Variants in LMF1 observed in about 807,000 individuals in gnomAD.
The protein encoded by LMF1 is transmembrane protein 112.
A neutral mutation model predicts 60.6 loss-of-function variants in LMF1; 68 were observed. That is an observed-to-expected ratio of 1.12 (90% CI 0.92 to 1.37). The LOEUF is 1.37. Among genes scored for constraint, LMF1 ranks in the 40% most tolerant of loss-of-function variants. The pLI, the probability that LMF1 is intolerant of heterozygous loss-of-function variation, is 0.00. For synonymous variants in LMF1, 418 were observed against 324.7 expected (o/e 1.29, Z -3.09); for missense variants, 948 against 767.2 (o/e 1.24, Z -2.78).
rs548860168 is a variant in LMF1, at chr16:943,562, A to G, written c.504-9308T>C. On this transcript the variant is annotated intron_variant, in intron 2 of 10. Coordinates refer to ENST00000262301, the MANE Select transcript of LMF1 (RefSeq NM_022773.4). ...CCAACAATGGTGAAACACCATTTCT[A>G]TTAAAAATACAAAAATTAGCTGGGT... is the stretch of plus-strand genomic sequence containing the variant. Among the ~76,000 whole-genome samples, 15 of 151,824 alleles carry G rather than the reference A, an allele frequency of 9.9e-5. No homozygotes were observed. The South Asian group carries it at 2.5e-3, about 25-fold the overall frequency.
At chr16:966,226 C>T (rs983645220) in intron 1 of LMF1, among the ~76,000 whole-genome samples, 2 of 152,184 alleles carry the variant, frequency 1.3e-5, no homozygotes, top group Non-Finnish European at 2.9e-5. Context: ...CACCACGGCT[C>T]GTCCACTGGG....
Position 854,331 on chromosome 16 carries a change from GC to G in LMF1, c.*200del, listed in dbSNP as rs2151672548. 1.4e-6 allele frequency: 1 copy of G among 713,738 alleles called. No individual in the cohort carries two copies. Among genetic ancestry groups the G allele is most frequent in the African/African-American group, 1.7e-5 (1 of 57,446 alleles). The allele number at this position is 713,738 out of a possible 1,614,324, so 44.2% of individuals were successfully genotyped here. A position where few individuals can be genotyped will look rare whatever the true frequency, so the allele number is the denominator to read the frequency against. ...GGACAAGGGTTGGCCTGGATGTGGGGCCCCAGGTGGGCAGGGCCTGGGAGCC... is the reference window on the plus strand; with the variant it reads ...GGACAAGGGTTGGCCTGGATGTGGGGCCCAGGTGGGCAGGGCCTGGGAGCC... On this transcript the variant is annotated 3_prime_UTR_variant, in exon 11 of 11. Transcript: ENST00000262301.
chr16:976,772 G>A (rs752990765), intron 1 of LMF1: 12 of 454,144 alleles, frequency 2.6e-5, no homozygotes, highest in South Asian at 4.7e-5. Flanking sequence ...TGATCTGGGC[G>A]TGCACCTGTC....
Position 861,731 on chromosome 16 carries a change from C to G in LMF1, c.1530-7025G>C, listed in dbSNP as rs113668663. 2.5e-3 allele frequency among the ~76,000 whole-genome samples: 380 copies of G among 152,298 alleles called. 2 individuals are homozygous for G. The highest frequency in any genetic ancestry group is 8.7e-3 in the African/African-American group (363 of 41,560). Reference sequence around the variant, plus strand: ...CAAAGACAACGGCGTCATCTGTAAACAGGCAGTTTCGTTTCTTCCTTTGTG... The same window carrying G: ...CAAAGACAACGGCGTCATCTGTAAAGAGGCAGTTTCGTTTCTTCCTTTGTG... On this transcript the variant is annotated intron_variant, in intron 10 of 10. Coordinates refer to ENST00000262301, the MANE Select transcript of LMF1 (RefSeq NM_022773.4).
intron 10 of LMF1, among the ~76,000 whole-genome samples, chr16:859,212 G>A (rs2069338224): frequency 7.5e-6 from 1 of 133,170 alleles, no homozygotes; most frequent in Non-Finnish European, 1.5e-5. Context: ...TGGTGTCTCG[G>A]GACGGGTGTG....
At chr16:969,784 G>A (rs1306601230) in intron 1 of LMF1, among the ~76,000 whole-genome samples, 1 of 152,218 alleles carries the variant, frequency 6.6e-6, no homozygotes, top group Non-Finnish European at 1.5e-5. Flanking sequence ...AGCCTCACTT[G>A]AGGTTCGTAG....
At chr16:890,502 CA>C (rs2070451888) in intron 5 of LMF1, among the ~76,000 whole-genome samples, 1 of 152,184 alleles carries the variant, frequency 6.6e-6, no homozygotes, top group Non-Finnish European at 1.5e-5. Flanking sequence ...ATCAGGACAT[CA>C]GGCTCATGGC....
chr16:947,946 T>G (rs410341), intron 2 of LMF1, among the ~76,000 whole-genome samples: 1 of 91,370 alleles, frequency 1.1e-5, no homozygotes, highest in Admixed American at 1.3e-4. Flanking sequence ...AGTCAGCCAA[T>G]GACAGAGTCA....
At chr16:968,711 A>G (rs1363600396) in intron 1 of LMF1, 1 of 152,246 alleles carries the variant, frequency 6.6e-6, no homozygotes, top group Non-Finnish European at 1.5e-5. Flanking sequence ...AGAAATGTTC[A>G]ATGCTGGGCA....
intron 1 of LMF1, among the ~76,000 whole-genome samples, chr16:963,411 CACATGTGCACATGTAT>C (rs954324828): frequency 1.3e-5 from 2 of 152,070 alleles, no homozygotes; most frequent in African/African-American, 2.4e-5. Context: ...TGTGTCTGTA[CACATGTGCACATGTAT>C]ACATGTGCAC....
chr16:906,418 A>T (rs146968558), intron 4 of LMF1, among the ~76,000 whole-genome samples: 1 of 152,114 alleles, frequency 6.6e-6, no homozygotes, highest in Non-Finnish European at 1.5e-5. Flanking sequence ...CAGAGAATAT[A>T]AAGCAGGCAG....
rs757335676 is a variant in LMF1 at position 910,968 on chromosome 16, C to A, written c.626G>T (p.Gly209Val). The A allele has an allele frequency of 1.2e-6, 2 of 1,613,010 alleles. No homozygotes were observed. Among genetic ancestry groups the A allele is most frequent in the Non-Finnish European group, 1.7e-6 (2 of 1,179,884 alleles). The part of the protein sequence containing the change: ...HTPTSRIVLW[G>V]FRWLIFRIML... ...GATCCTGAAGATCAGCCACCGGAAG[C>A]CCCACAGGACAATCCGGGATGTGGG... is the stretch of plus-strand genomic sequence containing the variant. The change falls in exon 4 of 11, where the codon GGC becomes GTC. Residue 209 changes from glycine to valine, a missense_variant. By Grantham distance (109) the Gly-to-Val change is moderately radical. Transcript: ENST00000262301.
intron 2 of LMF1, among the ~76,000 whole-genome samples, chr16:949,168 G>C (rs1418034744): frequency 2.0e-5 from 3 of 150,410 alleles, no homozygotes; most frequent in African/African-American, 7.4e-5. Context: ...GCCAACGACA[G>C]AGTCAGCCAA....
chr16:878,482 A>G lies in LMF1; in HGVS notation c.897+1088T>C, dbSNP rs569823427. Among the ~76,000 whole-genome samples the G allele has an allele frequency of 1.4e-4, 21 of 152,278 alleles. No homozygotes were observed. The highest frequency in any genetic ancestry group is 4.8e-4 in the African/African-American group (20 of 41,554). Reference sequence around the variant, plus strand: ...GGTGAATCACAGGCCTGCTCACGATACAGTAGCGCCCTTGAAAATACATCC... The same window carrying G: ...GGTGAATCACAGGCCTGCTCACGATGCAGTAGCGCCCTTGAAAATACATCC... On this transcript the variant is annotated intron_variant, in intron 6 of 10. Coordinates refer to ENST00000262301, the MANE Select transcript of LMF1 (RefSeq NM_022773.4). This position sits in a 1 kb window ranked among gnomAD's most constrained non-coding sequence, Gnocchi z 5.2.
intron 8 of LMF1, among the ~76,000 whole-genome samples, chr16:870,360 AG>A (rs2069746227): frequency 6.6e-6 from 1 of 152,230 alleles, no homozygotes; most frequent in Admixed American, 6.5e-5. Context: ...AGGGGGACAG[AG>A]GCCAAGGGGC....
In LMF1 at chr16:955,151, G is replaced by A. The variant is rs549355761; in HGVS notation, c.194-485C>T. Among the ~76,000 whole-genome samples, 3 of 137,470 alleles carry A rather than the reference G, an allele frequency of 2.2e-5. 1 individual carries two copies. Among genetic ancestry groups the A allele is most frequent in the East Asian group, 4.3e-4 (2 of 4,642 alleles). The allele number at this position is 137,470 out of a possible 152,430, so 90.2% of individuals were successfully genotyped here. A position where few individuals can be genotyped will look rare whatever the true frequency, so the allele number is the denominator to read the frequency against. ...AAACTAGACAAGTTACATAAAATGC[G>A]TGCCTGCAGCAGACGCAGTGTGTGC... On this transcript the variant is annotated intron_variant, in intron 1 of 10. Coordinates refer to ENST00000262301, the MANE Select transcript of LMF1 (RefSeq NM_022773.4).
At chr16:965,466 T>C (rs1170389638) in intron 1 of LMF1, among the ~76,000 whole-genome samples, 4 of 151,994 alleles carry the variant, frequency 2.6e-5, no homozygotes, top group African/African-American at 7.3e-5. Context: ...CCTCGATAAA[T>C]AACCAGAACA....
At chr16:972,821 T>C (rs1165800607), upstream of LMF1, among the ~76,000 whole-genome samples, 1 of 152,168 alleles carries the variant, frequency 6.6e-6, no homozygotes, top group Non-Finnish European at 1.5e-5. Flanking sequence ...TTGCCCAGGG[T>C]GGGAGCAGTC....
At chr16:916,579 CTGCG>C (rs1567233800) in intron 3 of LMF1, among the ~76,000 whole-genome samples, 1 of 152,202 alleles carries the variant, frequency 6.6e-6, no homozygotes, top group African/African-American at 2.4e-5. Flanking sequence ...TCGGCTCTCG[CTGCG>C]CGCCAGTGGC....
Sources: allele counts gnomAD v4.1 joint callset (sites outside exome capture counted in the v4.1 genomes callset), GRCh38; gene constraint gnomAD v4.1.1; non-coding constraint Gnocchi (gnomAD v3.1); transcripts MANE v1.5; gene names NCBI Gene and HGNC (gene_info 2026-07-23, HGNC 2026-07-21).